The following LCMT1 variants were observed in gnomAD, a reference collection of about 807,000 sequenced individuals.
LCMT1 encodes leucine carboxyl methyltransferase 1.
Under a neutral mutation model 47.7 loss-of-function variants are expected in LCMT1, and 32 were observed. The observed-to-expected ratio is 0.67, with a 90% CI of 0.51 to 0.90. The LOEUF (loss-of-function observed/expected upper bound fraction) is 0.90. Ranked by LOEUF, LCMT1 falls within the 40% of genes least tolerant of loss-of-function variation. The probability of loss-of-function intolerance (pLI) is 0.00; values close to 1 mark genes in which losing one functional copy is unlikely to be tolerated. For missense variants in LCMT1, 375 were observed against 415.2 expected (o/e 0.90, Z 0.84); for synonymous variants, 152 against 149.7 (o/e 1.02, Z -0.11).
intron 1 of LCMT1, among the ~76,000 whole-genome samples, chr16:25,124,282 G>A (rs1308016378): frequency 1.3e-5 from 2 of 152,154 alleles, no homozygotes; most frequent in Non-Finnish European, 2.9e-5. Flanking sequence ...CATGACTTAC[G>A]TGTACATGTA....
intron 9 of LCMT1, among the ~76,000 whole-genome samples, chr16:25,171,775 A>G (rs1330455803): frequency 6.6e-6 from 1 of 152,234 alleles, no homozygotes; most frequent in Non-Finnish European, 1.5e-5. Context: ...AAGTGCATGA[A>G]GTATAAAGTA....
intron 3 of LCMT1, among the ~76,000 whole-genome samples, chr16:25,135,297 A>ATATATATATATG (rs1567313909): frequency 9.4e-4 from 141 of 150,006 alleles, no homozygotes; most frequent in African/African-American, 3.3e-3. Context: ...ATATATCTAT[A>ATATATATATATG]TATATATATA....
At chr16:25,130,331 C>G (rs554105406) in intron 2 of LCMT1, among the ~76,000 whole-genome samples, 323 of 97,166 alleles carry the variant, frequency 3.3e-3, no homozygotes, top group Non-Finnish European at 5.7e-3. Flanking sequence ...CAGAGCAATA[C>G]TCCATCTCAA....
In LCMT1 at chr16:25,128,512, A is replaced by C. The variant is rs1168335022; in HGVS notation, c.151A>C (p.Ile51Leu). Residue 51 changes from isoleucine to leucine, a missense_variant, in exon 2 of 11, where the codon ATA becomes CTA. Coordinates refer to ENST00000399069, the MANE Select transcript of LCMT1 (RefSeq NM_016309.3). Reference protein sequence around the residue: ...VSIGYWHDPYIQHFVRLSKER... With the variant: ...VSIGYWHDPYLQHFVRLSKER... ...CATTGGCTACTGGCATGACCCTTAC[A>C]TACAGCACTTTGTGAGACTGTCTAA... is the stretch of plus-strand genomic sequence containing the variant. 6.2e-7 allele frequency: 1 copy of C among 1,610,770 alleles called. No homozygotes were observed. Among genetic ancestry groups the C allele is most frequent in the African/African-American group, 1.3e-5 (1 of 74,860 alleles).
chr16:25,122,753 G>C (rs997522237), intron 1 of LCMT1, among the ~76,000 whole-genome samples: 1 of 152,056 alleles, frequency 6.6e-6, no homozygotes, highest in South Asian at 2.1e-4. Context: ...AGTATTTTCT[G>C]TCAAGCTGAT....
chr16:25,153,967 A>G (rs531616525), intron 5 of LCMT1, among the ~76,000 whole-genome samples: 5 of 151,942 alleles, frequency 3.3e-5, no homozygotes, highest in African/African-American at 9.7e-5. Flanking sequence ...AAAAGAAAAA[A>G]TTTCTACCAG....
intron 7 of LCMT1, among the ~76,000 whole-genome samples, chr16:25,168,056 C>T (rs1438098816): frequency 7.0e-6 from 1 of 142,998 alleles, no homozygotes; most frequent in Non-Finnish European, 1.5e-5. Flanking sequence ...CGCACCCAGC[C>T]TTTTTTTTTT....
intron 3 of LCMT1, among the ~76,000 whole-genome samples, chr16:25,135,320 G>A (rs1960474300): frequency 6.7e-6 from 1 of 148,842 alleles, no homozygotes; most frequent in Non-Finnish European, 1.5e-5. Flanking sequence ...ACATTTGTTT[G>A]CTTTTTTAGA....
At chr16:25,139,987 C>T (rs766237440) in intron 3 of LCMT1, 184 bp from the exon 4 acceptor site, 2 of 575,338 alleles carry the variant, frequency 3.5e-6, no homozygotes, top group African/African-American at 1.9e-5. Flanking sequence ...TTTTTACCTT[C>T]ATCTGTGCTT....
At chr16:25,169,284 C>CATGG in intron 8 of LCMT1, 71 bp downstream of exon 8, 2 of 1,050,880 alleles carry the variant, frequency 1.9e-6, no homozygotes, top group South Asian at 2.6e-5. Flanking sequence ...TCTTTCTTTG[C>CATGG]AGATGTGATC....
In LCMT1 at chr16:25,132,391, C is replaced by G. The variant is rs1960373995; in HGVS notation, c.206-11C>G. The G allele has an allele frequency of 6.2e-7, 1 of 1,612,836 alleles. No homozygotes were observed. Among genetic ancestry groups the G allele is most frequent in the Admixed American group, 1.7e-5 (1 of 59,946 alleles). On this transcript the variant is annotated splice_polypyrimidine_tract_variant and intron_variant, in intron 2 of 10. Transcript: ENST00000399069. The stretch of plus-strand genomic sequence containing the variant: ...GTGATAGCTTGTTTCTGTGCCTCCC[C>G]TCCCCCCTAGGATATTTTGCTCGAG...
chr16:25,111,913 C>T lies in LCMT1; in HGVS notation c.30C>T (p.Ile10=). 1 of 1,613,262 alleles carries T rather than the reference C, an allele frequency of 6.2e-7. No homozygotes were observed. Among genetic ancestry groups the T allele is most frequent in the Non-Finnish European group, 8.5e-7 (1 of 1,179,486 alleles). MATRQRESS[I]TSCCSTSSCD... is the part of the protein sequence containing the mutation. The stretch of plus-strand genomic sequence containing the variant: ...CCACTAGGCAGAGGGAATCCTCTAT[C>T]ACCTCCTGCTGTTCCACCTCGAGCT... Residue 10 remains isoleucine, a synonymous_variant, in exon 1 of 11, where the codon ATC becomes ATT. Coordinates refer to ENST00000399069, the MANE Select transcript of LCMT1 (RefSeq NM_016309.3).
At chr16:25,118,616 G>C (rs530997367) in intron 1 of LCMT1, among the ~76,000 whole-genome samples, 1 of 152,264 alleles carries the variant, frequency 6.6e-6, no homozygotes, top group South Asian at 2.1e-4. Flanking sequence ...GTTGGAAGGA[G>C]TTGTCATCTG....
At chr16:25,116,560 C>G (rs1959791231) in intron 1 of LCMT1, among the ~76,000 whole-genome samples, 1 of 151,904 alleles carries the variant, frequency 6.6e-6, no homozygotes, top group Non-Finnish European at 1.5e-5. Context: ...CAGCACCAGA[C>G]CAGGTCCTGG....
intron 10 of LCMT1, among the ~76,000 whole-genome samples, chr16:25,176,550 C>CTTTTTTTTTTTT (rs1170373745): frequency 2.3e-5 from 1 of 44,258 alleles, no homozygotes; most frequent in African/African-American, 1.0e-4. Flanking sequence ...TTTTTTTTGG[C>CTTTTTTTTTTTT]TTTTTTTTTT....
rs145897184 is a variant in LCMT1, at chr16:25,152,743, C to T, written c.466+1128C>T. Among the ~76,000 whole-genome samples the T allele has an allele frequency of 1.8e-3, 268 of 152,304 alleles. 1 individual carries two copies. Among genetic ancestry groups the T allele is most frequent in the African/African-American group, 4.5e-3 (186 of 41,560 alleles). ...TGCCCATCCTCCAGTTCTGTCCCCA[C>T]GACTCTCTGGTATCTTACACTTGAT... On this transcript the variant is annotated intron_variant, in intron 5 of 10. Coordinates refer to ENST00000399069, the MANE Select transcript of LCMT1 (RefSeq NM_016309.3).
At chr16:25,128,641 T>A in intron 2 of LCMT1, 75 bp downstream of exon 2, 1 of 1,112,062 alleles carries the variant, frequency 9.0e-7, no homozygotes, top group East Asian at 2.6e-5. Flanking sequence ...TTGAAGGAAG[T>A]CGTGGTGTGC....
In LCMT1 at chr16:25,158,748, C is replaced by T. The variant is rs182575523; in HGVS notation, c.467-2354C>T. 3.3e-5 allele frequency: 5 copies of T among 152,358 alleles called. No homozygotes were observed. In the East Asian group the frequency reaches 9.6e-4, roughly 29 times the overall value. 9.4% of individuals were successfully genotyped at this position (152,358 alleles called of 1,614,324 possible). On this transcript the variant is annotated intron_variant, in intron 5 of 10. Coordinates refer to ENST00000399069, the MANE Select transcript of LCMT1 (RefSeq NM_016309.3). ...TCCCTACAAAATAATGATAAAGCAT[C>T]CTTCAAGGACAGATAATGGACCTGT...
intron 8 of LCMT1, chr16:25,169,550 A>G (rs749018211): frequency 9.2e-5 from 17 of 185,320 alleles, no homozygotes; most frequent in Admixed American, 3.3e-4. Context: ...TTCCCCCACA[A>G]TTTTTTTGTA....
Sources: allele counts gnomAD v4.1 joint callset (sites outside exome capture counted in the v4.1 genomes callset), GRCh38; gene constraint gnomAD v4.1.1; transcripts MANE v1.5; gene names NCBI Gene and HGNC (gene_info 2026-07-23, HGNC 2026-07-21).